DAB1: variants seen among roughly 807,000 people sequenced by gnomAD.
DAB1 encodes disabled homolog 1.
DAB1 carries 15 observed loss-of-function variants against 64.6 expected under a neutral mutation model. The observed-to-expected ratio is 0.23, with a 90% CI of 0.16 to 0.36. DAB1 has a LOEUF of 0.36. Among genes scored for constraint, DAB1 ranks in the 10% least tolerant of loss-of-function variants. DAB1 has a pLI of 1.00. For synonymous variants in DAB1, 235 were observed against 251.9 expected, an observed-to-expected ratio of 0.93 and a Z score of 0.64; for missense variants, 596 against 706.7, an observed-to-expected ratio of 0.84 and a Z score of 1.78.
At position 57,146,667 on chromosome 1, in the gene DAB1, A is replaced by G. The variant is rs149532688; in HGVS notation, c.68-1238T>C. ...AACACAACTTTCATTTCATTCATTT[A>G]TTCATTCATCCCTTACTGAGCATCT... On this transcript the variant is annotated intron_variant, in intron 2 of 14. Coordinates refer to ENST00000371236, the MANE Select transcript of DAB1 (RefSeq NM_001365792.1). Among the ~76,000 whole-genome samples, 1,480 of 152,306 alleles carry G rather than the reference A, an allele frequency of 9.7e-3. 19 individuals carry two copies. Among genetic ancestry groups the G allele is most frequent in the African/African-American group, 0.034 (1,416 of 41,562 alleles).
intron 4 of DAB1, among the ~76,000 whole-genome samples, chr1:58,277,775 TG>T (rs1191052948): frequency 6.6e-6 from 1 of 152,250 alleles, no homozygotes; most frequent in Non-Finnish European, 1.5e-5. Flanking sequence ...ACCTCCTCCA[TG>T]AAGCCTTTCT....
chr1:57,624,112 T>C (rs1168175181), intron 7 of DAB1, among the ~76,000 whole-genome samples: 2 of 152,216 alleles, frequency 1.3e-5, no homozygotes, highest in African/African-American at 2.4e-5. Flanking sequence ...ACAGGTTTGT[T>C]GTCAGAGTTA....
intron 5 of DAB1, chr1:58,150,388 A>G (rs768539933): frequency 1.4e-4 from 21 of 152,230 alleles, no homozygotes; most frequent in Non-Finnish European, 2.5e-4. Flanking sequence ...AAGGCATTTC[A>G]CAGCTCTTTT....
chr1:57,582,419 C>T (rs954347573), intron 7 of DAB1, among the ~76,000 whole-genome samples: 9 of 152,302 alleles, frequency 5.9e-5, no homozygotes, highest in Admixed American at 3.3e-4. Flanking sequence ...AATCACCTCC[C>T]ACCAGGTCCC....
At chr1:58,338,231 G>A (rs1663169487) in intron 4 of DAB1, among the ~76,000 whole-genome samples, 1 of 152,142 alleles carries the variant, frequency 6.6e-6, no homozygotes, top group Non-Finnish European at 1.5e-5. Flanking sequence ...CTGCGTGAGA[G>A]GCACACAGCA....
At chr1:57,438,061 C>G (rs1685762734) in intron 7 of DAB1, among the ~76,000 whole-genome samples, 1 of 152,120 alleles carries the variant, frequency 6.6e-6, no homozygotes, top group Non-Finnish European at 1.5e-5. Flanking sequence ...TGCTCTGTAG[C>G]CACTCTCTGC....
upstream of DAB1, among the ~76,000 whole-genome samples, chr1:57,424,347 G>C (rs1175641989): frequency 6.6e-6 from 1 of 151,366 alleles, no homozygotes; most frequent in African/African-American, 2.4e-5. Flanking sequence ...GCGAGCGAGC[G>C]AGCGAGCGAG....
intron 6 of DAB1, among the ~76,000 whole-genome samples, chr1:57,777,364 T>C (rs778926667): frequency 7.0e-6 from 1 of 142,446 alleles, no homozygotes; most frequent in Non-Finnish European, 1.5e-5. Context: ...ATTTGGAATG[T>C]TGTCAGCCAT....
At chr1:57,569,281 T>C (rs1271149204) in intron 7 of DAB1, among the ~76,000 whole-genome samples, 2 of 99,256 alleles carry the variant, frequency 2.0e-5, no homozygotes, top group African/African-American at 3.8e-5. Context: ...AAAAGACACA[T>C]GCACACGTAT....
chr1:57,223,430 G>T lies in DAB1; in HGVS notation c.67+67534C>A, dbSNP rs144821525. On this transcript the variant is annotated intron_variant, in intron 2 of 14. Coordinates refer to ENST00000371236, the MANE Select transcript of DAB1 (RefSeq NM_001365792.1). ...GTTGAAAACTTACCTCGCTGGCTTA[G>T]AAACTGAGAGAATCCTGCTGTCATT... Among the ~76,000 whole-genome samples, 78 of 152,282 alleles carry T rather than the reference G, an allele frequency of 5.1e-4. 1 individual carries two copies. The highest frequency in any genetic ancestry group is 1.9e-3 in the African/African-American group (78 of 41,556).
chr1:57,420,600 C>T (rs1452651152), intron 1 of DAB1, among the ~76,000 whole-genome samples: 5 of 152,206 alleles, frequency 3.3e-5, no homozygotes, highest in South Asian at 2.1e-4. Context: ...TCCTGGTCTT[C>T]CAATTCCAAA....
rs139039198 is a variant in DAB1 at position 57,321,760 on chromosome 1, T to G, written c.-136-30594A>C. ...AAAGGATGAAAGATGATAATGAATA[T>G]TGACATGCCTAGCAGCATACCTGGC... On this transcript the variant is annotated intron_variant, in intron 1 of 14. Coordinates refer to ENST00000371236, the MANE Select transcript of DAB1 (RefSeq NM_001365792.1). Among the ~76,000 whole-genome samples the G allele has an allele frequency of 3.3e-4, 51 of 152,318 alleles. 2 individuals carry two copies. In the East Asian group the frequency reaches 9.3e-3, roughly 28 times the overall value.
chr1:57,568,163 C>T (rs974737322), intron 7 of DAB1, among the ~76,000 whole-genome samples: 1 of 152,130 alleles, frequency 6.6e-6, no homozygotes, highest in African/African-American at 2.4e-5. Context: ...CTGACACAAA[C>T]AAGAAATGGG....
intron 6 of DAB1, among the ~76,000 whole-genome samples, chr1:57,753,174 C>T (rs978157869): frequency 2.0e-5 from 3 of 152,134 alleles, no homozygotes; most frequent in African/African-American, 7.2e-5. Flanking sequence ...GGGCTGCCTG[C>T]CCTCAACATG....
At chr1:58,450,127 A>G (rs1228657054) in intron 3 of DAB1, among the ~76,000 whole-genome samples, 1 of 152,228 alleles carries the variant, frequency 6.6e-6, no homozygotes, top group Non-Finnish European at 1.5e-5. Context: ...TCCTACTAAA[A>G]GCAACTGAAA....
chr1:57,118,552 A>T (rs940952968), intron 4 of DAB1, among the ~76,000 whole-genome samples: 1 of 152,232 alleles, frequency 6.6e-6, no homozygotes, highest in Non-Finnish European at 1.5e-5. Context: ...CAATGTATGA[A>T]GTTAACATGG....
At chr1:57,454,493 G>A (rs952878374) in intron 7 of DAB1, among the ~76,000 whole-genome samples, 13 of 151,982 alleles carry the variant, frequency 8.6e-5, no homozygotes, top group South Asian at 4.2e-4. Context: ...AACAGACCCC[G>A]GGGTCTACTT....
In DAB1 at chr1:58,455,175, G is replaced by A. The variant is rs574813928; in HGVS notation, n.257+50885C>T. Among the ~76,000 whole-genome samples the A allele has an allele frequency of 3.9e-5, 6 of 152,352 alleles. No individual in the cohort carries two copies. In the South Asian group the frequency reaches 8.3e-4, roughly 21 times the overall value. On this transcript the variant is annotated intron_variant and non_coding_transcript_variant, in intron 3 of 20. Coordinates refer to the DAB1 transcript ENST00000485760. ...GCAGGGGATCAGGAGTGTGGGAGGGGGAAGGAAAGGCAGCCAGGGGCTGAT... is the reference window on the plus strand; with the variant it reads ...GCAGGGGATCAGGAGTGTGGGAGGGAGAAGGAAAGGCAGCCAGGGGCTGAT...
intron 4 of DAB1, among the ~76,000 whole-genome samples, chr1:57,129,821 T>C (rs1456792847): frequency 6.6e-6 from 1 of 152,124 alleles, no homozygotes; most frequent in African/African-American, 2.4e-5. Context: ...ATCTTTGGTA[T>C]ATAGCATCTT....
Sources: gnomAD v4.1 joint callset for allele counts (sites outside exome capture counted in the v4.1 genomes callset) on GRCh38, gnomAD v4.1.1 for gene constraint, MANE v1.5 for transcripts, NCBI Gene and HGNC (gene_info 2026-07-23, HGNC 2026-07-21) for gene names.